PINX1: variants seen among roughly 807,000 people sequenced by gnomAD.
PINX1 encodes the protein PIN2/TERF1-interacting telomerase inhibitor 1.
In PINX1, 34 loss-of-function variants were observed where a neutral mutation model predicts 25.4. The ratio of observed to expected loss-of-function variants is 1.34; its 90% CI spans 1.02 to 1.78. The LOEUF is 1.78. PINX1 is among the 40% of genes most tolerant of loss of function. The pLI is 0.00. For synonymous variants in PINX1, 197 were observed against 147.7 expected (o/e 1.33, Z -2.42); for missense variants, 592 against 404.9 (o/e 1.46, Z -3.97).
intron 4 of PINX1, among the ~76,000 whole-genome samples, chr8:10,828,531 C>T (rs1038145209): frequency 5.3e-5 from 8 of 152,148 alleles, no homozygotes; most frequent in African/African-American, 2.4e-5. Flanking sequence ...GCAGACATGA[C>T]GCAGAGGCCA....
intron 6 of PINX1, among the ~76,000 whole-genome samples, chr8:10,810,872 A>G (rs574700040): frequency 3.5e-4 from 54 of 152,358 alleles, no homozygotes; most frequent in Non-Finnish European, 6.3e-4. Context: ...TCACTTCACT[A>G]GAGGACTTTG....
Position 10,793,930 on chromosome 8 carries a change from T to C in PINX1, c.471+26263A>G, listed in dbSNP as rs142792585. On this transcript the variant is annotated intron_variant, in intron 6 of 6. Transcript: ENST00000314787. Reference sequence around the variant, plus strand: ...ATTGCAATGAGTATCTAGTAACAGATTCAAAGAGGCGACAAAATAATTCCA... The same window carrying C: ...ATTGCAATGAGTATCTAGTAACAGACTCAAAGAGGCGACAAAATAATTCCA... Among the ~76,000 whole-genome samples the C allele has an allele frequency of 5.7e-3, 874 of 152,280 alleles. 11 individuals carry two copies. Among genetic ancestry groups the C allele is most frequent in the African/African-American group, 0.02 (840 of 41,548 alleles).
At chr8:10,787,440 G>A (rs1429727828) in intron 6 of PINX1, 4 of 169,738 alleles carry the variant, frequency 2.4e-5, no homozygotes, top group East Asian at 3.5e-4. Context: ...GGTTGCCCGG[G>A]CTGGTCTCCA....
intron 4 of PINX1, among the ~76,000 whole-genome samples, chr8:10,827,810 C>G (rs997242079): frequency 1.0e-4 from 15 of 149,782 alleles, no homozygotes; most frequent in African/African-American, 3.7e-4. Context: ...ACTCAGGAGG[C>G]TGAGGCAGGA....
chr8:10,834,477 GAT>G, intron 2 of PINX1, 187 bp downstream of exon 2: 1 of 781,416 alleles, frequency 1.3e-6, no homozygotes, highest in Non-Finnish European at 2.0e-6. Flanking sequence ...CAGCTTAAAT[GAT>G]AGAAAGTTGA....
At chr8:10,775,142 C>T (rs1266186743) in intron 6 of PINX1, among the ~76,000 whole-genome samples, 1 of 152,156 alleles carries the variant, frequency 6.6e-6, no homozygotes, top group African/African-American at 2.4e-5. Flanking sequence ...AATATATAAT[C>T]CTATAACCTC....
At chr8:10,776,269 T>C (rs1225326533) in intron 6 of PINX1, among the ~76,000 whole-genome samples, 1 of 151,850 alleles carries the variant, frequency 6.6e-6, no homozygotes, top group Non-Finnish European at 1.5e-5. Context: ...CTACTAAAAA[T>C]ACAAAAATTA....
At position 10,820,219 on chromosome 8, in the gene PINX1, T is replaced by A; in HGVS notation, c.445A>T (p.Lys149Ter). 3 of 1,612,632 alleles carry A rather than the reference T, an allele frequency of 1.9e-6. No individual in the cohort carries two copies. The highest frequency in any genetic ancestry group is 2.5e-6 in the Non-Finnish European group (3 of 1,178,736). Residue 149 changes from lysine to a stop codon, truncating the protein, a stop_gained, in exon 6 of 7, where the codon AAA (lysine) becomes TAA (stop). Coordinates refer to ENST00000314787, the MANE Select transcript of PINX1 (RefSeq NM_017884.6). LOFTEE classifies it low-confidence loss of function (END_TRUNC). Reference sequence around the variant, plus strand: ...TCGGGAGTCTTCTTACTCTGTCTTTTCCCAAAAATGCAGTCAAGATCTGTT... The same window carrying A: ...TCGGGAGTCTTCTTACTCTGTCTTTACCCAAAAATGCAGTCAAGATCTGTT... ...SKTDLDCIFGKRQSKKTPEGD... is the reference protein window; with the variant it reads ...SKTDLDCIFG
At chr8:10,834,440 A>G in intron 2 of PINX1, 1 of 557,544 alleles carries the variant, frequency 1.8e-6, no homozygotes, top group South Asian at 2.7e-5. Context: ...GCCTAGTTGC[A>G]ATGTCTATGA....
intron 6 of PINX1, among the ~76,000 whole-genome samples, chr8:10,776,288 T>G (rs914967587): frequency 6.6e-6 from 1 of 151,890 alleles, no homozygotes; most frequent in Non-Finnish European, 1.5e-5. Context: ...TAGCCGGGTG[T>G]GGTGGTGCAG....
At chr8:10,777,922 C>G (rs1017859478) in intron 6 of PINX1, among the ~76,000 whole-genome samples, 8 of 152,198 alleles carry the variant, frequency 5.3e-5, no homozygotes, top group African/African-American at 1.7e-4. Context: ...AAGCCTCTAT[C>G]TGCACACCCA....
chr8:10,839,068 C>T (rs930204637), intron 1 of PINX1, among the ~76,000 whole-genome samples: 3 of 152,186 alleles, frequency 2.0e-5, no homozygotes, highest in Non-Finnish European at 1.5e-5. Flanking sequence ...TGGCGGCAAG[C>T]GACCTTCGCT....
At chr8:10,821,626 T>C (rs1797872077) in intron 5 of PINX1, among the ~76,000 whole-genome samples, 1 of 152,244 alleles carries the variant, frequency 6.6e-6, no homozygotes, top group Admixed American at 6.5e-5. Flanking sequence ...GAAAACTGGT[T>C]GTAGCGGGAA....
chr8:10,785,045 G>A (rs928210619), intron 6 of PINX1, among the ~76,000 whole-genome samples: 1 of 152,094 alleles, frequency 6.6e-6, no homozygotes, highest in African/African-American at 2.4e-5. Context: ...TAAACATAAA[G>A]AGCGTATCAT....
chr8:10,825,560 G>GCT (rs1271504585), intron 5 of PINX1: 2 of 474,538 alleles, frequency 4.2e-6, no homozygotes, highest in Non-Finnish European at 8.7e-6. Flanking sequence ...TTCACATACT[G>GCT]GGAAGGGGCT....
At chr8:10,814,387 G>C (rs957694810) in intron 6 of PINX1, among the ~76,000 whole-genome samples, 1 of 152,186 alleles carries the variant, frequency 6.6e-6, no homozygotes, top group Non-Finnish European at 1.5e-5. Context: ...GTGTCTGGAG[G>C]AAATACGAAG....
At chr8:10,826,114 T>G (rs376805344) in intron 5 of PINX1, 38 bp downstream of exon 5, 17 of 1,176,798 alleles carry the variant, frequency 1.4e-5, no homozygotes, top group Non-Finnish European at 2.0e-5. Flanking sequence ...GACAAACACG[T>G]AGATTTCAAT....
At chr8:10,822,703 C>A (rs774801316) in intron 5 of PINX1, among the ~76,000 whole-genome samples, 1 of 151,996 alleles carries the variant, frequency 6.6e-6, no homozygotes, top group African/African-American at 2.4e-5. Flanking sequence ...TTCATTGACA[C>A]GAGAACTTAG....
intron 1 of PINX1, among the ~76,000 whole-genome samples, chr8:10,839,126 C>T (rs1277032878): frequency 6.6e-6 from 1 of 152,174 alleles, no homozygotes; most frequent in Non-Finnish European, 1.5e-5. Context: ...ACAGGGGTTT[C>T]ACCGACTCCA....
Sources: gnomAD v4.1 joint callset for allele counts (sites outside exome capture counted in the v4.1 genomes callset) on GRCh38, gnomAD v4.1.1 for gene constraint, MANE v1.5 for transcripts, NCBI Gene and HGNC (gene_info 2026-07-23, HGNC 2026-07-21) for gene names.